The following FGF12 variants were observed in gnomAD, a reference collection of about 807,000 sequenced individuals.
FGF12 encodes fibroblast growth factor 12, also known as fibroblast growth factor 12B.
In FGF12, 14 loss-of-function variants were observed where a neutral mutation model predicts 23.6. The ratio of observed to expected loss-of-function variants is 0.59; its 90% CI spans 0.39 to 0.93. The LOEUF is 0.93. Ranked by LOEUF, FGF12 falls within the 40% of genes least tolerant of loss-of-function variation. The pLI is 0.00. For synonymous variants in FGF12, 62 were observed against 77.3 expected (o/e 0.80, Z 1.04); for missense variants, 175 against 217.8 (o/e 0.80, Z 1.24).
At chr3:192,471,885 A>C (rs1355489353) in intron 2 of FGF12, among the ~76,000 whole-genome samples, 1 of 152,244 alleles carries the variant, frequency 6.6e-6, no homozygotes, top group Non-Finnish European at 1.5e-5. Context: ...TTACATATTT[A>C]TTCTAAAAAC....
At chr3:192,196,476 AT>A (rs1717074912) in intron 4 of FGF12, among the ~76,000 whole-genome samples, 1 of 152,064 alleles carries the variant, frequency 6.6e-6, no homozygotes, top group African/African-American at 2.4e-5. Context: ...GCCACTTTTC[AT>A]TTTTTAGCCA....
chr3:192,361,770 G>T (rs1463483099), intron 2 of FGF12, among the ~76,000 whole-genome samples: 1 of 152,180 alleles, frequency 6.6e-6, no homozygotes, highest in East Asian at 1.9e-4. Flanking sequence ...AGTGTCTGCA[G>T]TTGGGACTTT....
rs536381280 is a variant in FGF12, at chr3:192,582,444, G to A, written c.13+144737C>T. Among the ~76,000 whole-genome samples, 24 of 152,236 alleles carry A rather than the reference G, an allele frequency of 1.6e-4. No individual in the cohort carries two copies. The South Asian group carries it at 4.8e-3, about 30-fold the overall frequency. On this transcript the variant is annotated intron_variant, in intron 2 of 5. Coordinates refer to ENST00000445105, the MANE Select transcript of FGF12 (RefSeq NM_004113.6). Reference sequence around the variant, plus strand: ...CCTACCTTAATACATAGTTTAGCAAGTTATGAAGAGGATGGGCTGACGTTT... The same window carrying A: ...CCTACCTTAATACATAGTTTAGCAAATTATGAAGAGGATGGGCTGACGTTT...
intron 2 of FGF12, among the ~76,000 whole-genome samples, chr3:192,669,189 A>G (rs1384725171): frequency 6.6e-6 from 1 of 152,198 alleles, no homozygotes; most frequent in African/African-American, 2.4e-5. Context: ...TTAAAAGATT[A>G]TGATAGAAAA....
intron 4 of FGF12, among the ~76,000 whole-genome samples, chr3:192,173,276 C>T (rs773229239): frequency 2.0e-5 from 3 of 150,520 alleles, no homozygotes; most frequent in South Asian, 2.1e-4. Context: ...ATGTAAATTA[C>T]GTGGCATTCA....
At chr3:192,687,662 G>A (rs1400585540) in intron 2 of FGF12, among the ~76,000 whole-genome samples, 1 of 152,070 alleles carries the variant, frequency 6.6e-6, no homozygotes, top group Non-Finnish European at 1.5e-5. Context: ...CCCTGCCCCT[G>A]TACCTGTGCA....
intron 2 of FGF12, among the ~76,000 whole-genome samples, chr3:192,400,169 C>T (rs114384211): frequency 6.3e-4 from 96 of 152,060 alleles, no homozygotes; most frequent in African/African-American, 2.1e-3. Flanking sequence ...CCTATAAATA[C>T]TACAAACGAA....
At chr3:192,362,744 A>G (rs779922086) in intron 2 of FGF12, among the ~76,000 whole-genome samples, 5 of 152,190 alleles carry the variant, frequency 3.3e-5, no homozygotes, top group Non-Finnish European at 5.9e-5. Context: ...AACCCATAAA[A>G]TATACATCCT....
At chr3:192,524,059 G>T (rs1009121268) in intron 2 of FGF12, among the ~76,000 whole-genome samples, 3 of 148,498 alleles carry the variant, frequency 2.0e-5, no homozygotes, top group African/African-American at 7.4e-5. Context: ...TCCTTTAACA[G>T]AAAAAAAAAA....
At chr3:192,441,605 C>A (rs926109781) in intron 2 of FGF12, among the ~76,000 whole-genome samples, 1 of 152,164 alleles carries the variant, frequency 6.6e-6, no homozygotes, top group Non-Finnish European at 1.5e-5. Flanking sequence ...CTGTTCATTT[C>A]CAGTATGAAA....
chr3:192,600,385 G>A (rs1456794921), intron 2 of FGF12, among the ~76,000 whole-genome samples: 3 of 151,794 alleles, frequency 2.0e-5, no homozygotes, highest in Non-Finnish European at 4.4e-5. Context: ...GTCTTTTGTG[G>A]TTCCATACAA....
chr3:192,335,427 C>T lies in FGF12; in HGVS notation c.162G>A (p.Val54=), dbSNP rs376292373. 3.4e-5 allele frequency: 55 copies of T among 1,612,992 alleles called. No individual in the cohort carries two copies. Among genetic ancestry groups the T allele is most frequent in the Non-Finnish European group, 4.5e-5 (53 of 1,179,418 alleles). The change falls in exon 4 of 6, where the codon GTG becomes GTA. Residue 54 remains valine, a synonymous_variant. Coordinates refer to ENST00000445105, the MANE Select transcript of FGF12 (RefSeq NM_004113.6). ...GGCTAGCCTTCACTCCTTGGATGGC[C>T]ACTACACGCAGGCCCACGGGAATTA... ...FNLIPVGLRV[V]AIQGVKASLY...
Position 192,514,861 on chromosome 3 carries a change from C to A in FGF12, c.14-154323G>T. 1.0e-6 allele frequency: 1 copy of A among 985,386 alleles called. No individual in the cohort carries two copies. Among genetic ancestry groups the A allele is most frequent in the East Asian group, 1.1e-4 (1 of 8,778 alleles). 61.0% of individuals were successfully genotyped at this position (985,386 alleles called of 1,614,324 possible). On this transcript the variant is annotated intron_variant, in intron 2 of 5. Coordinates refer to ENST00000445105, the MANE Select transcript of FGF12 (RefSeq NM_004113.6). This position sits in a 1 kb window ranked among gnomAD's most constrained non-coding sequence, Gnocchi z 4.9. The stretch of plus-strand genomic sequence containing the variant: ...GAAGCCGGGTCCCGAGTCCATCGCG[C>A]GCGCCCAGGTGGAGGGGAGTTTGCA...
rs1724596152 is a variant in FGF12 at position 192,514,527 on chromosome 3, C to T, written c.14-153989G>A. On this transcript the variant is annotated intron_variant, in intron 2 of 5. Coordinates refer to ENST00000445105, the MANE Select transcript of FGF12 (RefSeq NM_004113.6). This position sits in a 1 kb window ranked among gnomAD's most constrained non-coding sequence, Gnocchi z 4.9. ...GACAGAACCAGCGGAGGGGCCCTGA[C>T]CTCGCCCCAGTCGGGAAACGCCTTC... is the stretch of plus-strand genomic sequence containing the variant. 4.7e-6 allele frequency: 1 copy of T among 212,334 alleles called. No individual in the cohort carries two copies. Among genetic ancestry groups the T allele is most frequent in the South Asian group, 1.6e-4 (1 of 6,092 alleles). 13.2% of individuals were successfully genotyped at this position (212,334 alleles called of 1,614,324 possible).
At chr3:192,211,976 A>C (rs563063254) in intron 4 of FGF12, among the ~76,000 whole-genome samples, 1 of 152,230 alleles carries the variant, frequency 6.6e-6, no homozygotes, top group Non-Finnish European at 1.5e-5. Context: ...CAGGAATGTT[A>C]AACAGCCTAT....
chr3:192,423,991 C>T (rs1366521480), intron 2 of FGF12, among the ~76,000 whole-genome samples: 1 of 152,044 alleles, frequency 6.6e-6, no homozygotes, highest in Non-Finnish European at 1.5e-5. Flanking sequence ...GCTCTGATCT[C>T]CGAAATTTGA....
intron 2 of FGF12, among the ~76,000 whole-genome samples, chr3:192,515,905 C>T (rs550120283): frequency 1.3e-5 from 2 of 151,008 alleles, no homozygotes; most frequent in Non-Finnish European, 2.9e-5. Context: ...GGGAAGAATG[C>T]TGTCGAAGTG....
intron 4 of FGF12, among the ~76,000 whole-genome samples, chr3:192,330,618 G>A (rs951645713): frequency 2.0e-5 from 3 of 151,988 alleles, no homozygotes; most frequent in Admixed American, 1.3e-4. Context: ...CAGGAGAATC[G>A]CTTGAACCCA....
At chr3:192,595,143 A>G (rs1713786046) in intron 2 of FGF12, among the ~76,000 whole-genome samples, 1 of 152,234 alleles carries the variant, frequency 6.6e-6, no homozygotes, top group Non-Finnish European at 1.5e-5. Flanking sequence ...TGTTGACTGT[A>G]TAAATATTCC....
Sources: gnomAD v4.1 joint callset for allele counts (sites outside exome capture counted in the v4.1 genomes callset) on GRCh38, gnomAD v4.1.1 for gene constraint, Gnocchi (gnomAD v3.1) non-coding constraint, MANE v1.5 for transcripts, NCBI Gene and HGNC (gene_info 2026-07-23, HGNC 2026-07-21) for gene names.